The following IKBKB variants were observed in gnomAD, a reference collection of about 807,000 sequenced individuals.
The protein encoded by IKBKB is inhibitor of nuclear factor kappa B kinase subunit beta.
Under a neutral mutation model 113.6 loss-of-function variants are expected in IKBKB, and 42 were observed. The observed-to-expected ratio is 0.37, with a 90% CI of 0.29 to 0.48. The LOEUF is 0.48. Among genes scored for constraint, IKBKB ranks in the 20% least tolerant of loss-of-function variants. IKBKB has a pLI of 0.99. For missense variants in IKBKB, 673 were observed against 939.7 expected, an observed-to-expected ratio of 0.72 and a Z score of 3.71; for synonymous variants, 296 against 361.3, an observed-to-expected ratio of 0.82 and a Z score of 2.05.
chr8:42,314,451 C>G, intron 9 of IKBKB, 22 bp downstream of exon 9: 2 of 1,382,474 alleles, frequency 1.4e-6, no homozygotes, highest in Non-Finnish European at 2.1e-6. Flanking sequence ...CGGCATTACA[C>G]GAATACATAT....
rs908429475 is a variant in IKBKB at position 42,280,127 on chromosome 8, C to T, written c.105+7922C>T. Among the ~76,000 whole-genome samples the T allele has an allele frequency of 2.0e-5, 3 of 152,208 alleles. No homozygotes were observed. The South Asian group carries it at 6.2e-4, about 32-fold the overall frequency. On this transcript the variant is annotated intron_variant, in intron 2 of 21. Transcript: ENST00000520810. ...CCTCCCAAAGTGCTGGGATTTCAGG[C>T]ATGAGCCACTGTGCTTGGTTGAAAA...
At chr8:42,299,011 CA>C (rs1814547889) in intron 5 of IKBKB, among the ~76,000 whole-genome samples, 1 of 152,146 alleles carries the variant, frequency 6.6e-6, no homozygotes, top group Admixed American at 6.6e-5. Context: ...GCCTGTTTCT[CA>C]CCATATTGTT....
At chr8:42,327,351 T>TG (rs1554527548) in intron 20 of IKBKB, among the ~76,000 whole-genome samples, 5 of 148,690 alleles carry the variant, frequency 3.4e-5, no homozygotes, top group Non-Finnish European at 7.4e-5. Context: ...TTTTTTTTTT[T>TG]GAGACAGACT....
intron 2 of IKBKB, among the ~76,000 whole-genome samples, chr8:42,286,908 G>A (rs890952629): frequency 1.3e-5 from 2 of 152,194 alleles, no homozygotes; most frequent in Admixed American, 6.5e-5. Context: ...TCTTGCCCAG[G>A]TGTGTGTGCG....
At chr8:42,272,259 T>A (rs1225274469) in intron 2 of IKBKB, 54 bp downstream of exon 2, 1 of 1,611,926 alleles carries the variant, frequency 6.2e-7, no homozygotes, top group Non-Finnish European at 8.5e-7. Context: ...CCCTCCTCAC[T>A]GCCTCCACTT....
At chr8:42,295,109 C>T (rs1045990821) in intron 5 of IKBKB, among the ~76,000 whole-genome samples, 6 of 146,380 alleles carry the variant, frequency 4.1e-5, no homozygotes, top group Non-Finnish European at 3.0e-5. Flanking sequence ...GTAGTTATTA[C>T]GAAAGTCTTT....
intron 2 of IKBKB, among the ~76,000 whole-genome samples, chr8:42,281,697 C>T (rs1009055903): frequency 3.9e-5 from 6 of 152,170 alleles, no homozygotes; most frequent in Non-Finnish European, 8.8e-5. Context: ...GTCCTCCTGC[C>T]CAGTCTCTCT....
chr8:42,276,187 T>G (rs963963946), intron 2 of IKBKB, among the ~76,000 whole-genome samples: 1 of 152,228 alleles, frequency 6.6e-6, no homozygotes, highest in African/African-American at 2.4e-5. Flanking sequence ...CCATAATGGC[T>G]GTGCTAATTT....
rs545828792 is a variant in IKBKB, at chr8:42,305,126, G to A, written c.389-61G>A. On this transcript the variant is annotated intron_variant, in intron 5 of 21. Coordinates refer to ENST00000520810, the MANE Select transcript of IKBKB (RefSeq NM_001556.3). Reference sequence around the variant, plus strand: ...GCGGCATTTATCTTTTGCAGGATAGGAGATTCTGTCATGAAAAGCATTTTT... The same window carrying A: ...GCGGCATTTATCTTTTGCAGGATAGAAGATTCTGTCATGAAAAGCATTTTT... 9.8e-4 allele frequency: 1,052 copies of A among 1,068,330 alleles called. 3 individuals carry two copies. The highest frequency in any genetic ancestry group is 1.3e-3 in the Non-Finnish European group (925 of 686,552). The allele number at this position is 1,068,330 out of a possible 1,614,324, so 66.2% of individuals were successfully genotyped here. A position where few individuals can be genotyped will look rare whatever the true frequency, so the allele number is the denominator to read the frequency against.
In IKBKB at chr8:42,316,360, G is replaced by A. The variant is rs766305242; in HGVS notation, c.930+21G>A. 2.5e-6 allele frequency: 4 copies of A among 1,613,792 alleles called. No homozygotes were observed. Among genetic ancestry groups the A allele is most frequent in the African/African-American group, 1.3e-5 (1 of 74,942 alleles). ...TAAAGGTGAGTGTGGAGCCAAGTTA[G>A]CCCTGAGGCAAAAGCTGGGGTCCCC... On this transcript the variant is annotated intron_variant, in intron 10 of 21. Transcript: ENST00000520810. The surrounding 1 kb of genome is among the most constrained non-coding windows in gnomAD (Gnocchi z 4.5).
intron 2 of IKBKB, among the ~76,000 whole-genome samples, chr8:42,276,926 G>A (rs1337249047): frequency 6.8e-6 from 1 of 147,810 alleles, no homozygotes; most frequent in African/African-American, 2.5e-5. Context: ...GAGTGCAGTG[G>A]TGTGATCTCG....
chr8:42,328,381 G>T (rs903912499), intron 20 of IKBKB, among the ~76,000 whole-genome samples: 50 of 152,092 alleles, frequency 3.3e-4, no homozygotes, highest in Non-Finnish European at 6.0e-4. Flanking sequence ...CTAGCTAGAG[G>T]CCCCATAGAT....
chr8:42,319,396 C>G lies in IKBKB; in HGVS notation c.1491C>G (p.Tyr497Ter). 6.2e-7 allele frequency: 1 copy of G among 1,614,200 alleles called. No homozygotes were observed. The highest frequency in any genetic ancestry group is 1.1e-5 in the South Asian group (1 of 91,086). ...KTSIQIDLEK[Y>*]SEQTEFGITS... is the part of the protein sequence containing the mutation. ...GCATCCAGATTGACCTGGAGAAGTA[C>G]AGCGAGCAAACCGAGTTTGGGATCA... is the stretch of plus-strand genomic sequence containing the variant. The change falls in exon 14 of 22, where the codon TAC (tyrosine) becomes TAG (stop). Residue 497 changes from tyrosine (Y) to a stop codon, truncating the protein, a stop_gained. Coordinates refer to ENST00000520810, the MANE Select transcript of IKBKB (RefSeq NM_001556.3). LOFTEE classifies it high-confidence loss of function.
chr8:42,275,276 C>G (rs60449636), intron 2 of IKBKB, among the ~76,000 whole-genome samples: 158 of 152,062 alleles, frequency 1.0e-3, no homozygotes, highest in African/African-American at 3.6e-3. Context: ...TAGCCTTGAC[C>G]TCCTGGGCTC....
intron 5 of IKBKB, among the ~76,000 whole-genome samples, chr8:42,304,660 T>G (rs1273791456): frequency 1.3e-5 from 2 of 152,244 alleles, no homozygotes; most frequent in Non-Finnish European, 2.9e-5. Flanking sequence ...TGGAAGCCAG[T>G]TCTGACCTCT....
chr8:42,326,254 C>A, intron 20 of IKBKB, 157 bp downstream of exon 20: 1 of 848,560 alleles, frequency 1.2e-6, no homozygotes, highest in Non-Finnish European at 1.8e-6. Flanking sequence ...AAAAGTGATA[C>A]ATGTTTGGCT....
At chr8:42,321,094 A>T (rs1156742864) in intron 16 of IKBKB, 1 of 390,212 alleles carries the variant, frequency 2.6e-6, no homozygotes, top group Non-Finnish European at 4.6e-6. Context: ...CGCAGGCCAT[A>T]ATCTGTAAAG....
At chr8:42,279,141 C>G (rs1341806774) in intron 2 of IKBKB, among the ~76,000 whole-genome samples, 2 of 152,256 alleles carry the variant, frequency 1.3e-5, no homozygotes, top group Non-Finnish European at 2.9e-5. Context: ...CCAGGAAGCT[C>G]TCTACCTTCC....
chr8:42,301,565 CTA>C (rs1360582440), intron 5 of IKBKB, among the ~76,000 whole-genome samples: 2 of 152,170 alleles, frequency 1.3e-5, no homozygotes, highest in Non-Finnish European at 2.9e-5. Flanking sequence ...GTCCCAGAAA[CTA>C]TGTGTAACAA....
Sources: gnomAD v4.1 joint callset for allele counts (sites outside exome capture counted in the v4.1 genomes callset) on GRCh38, gnomAD v4.1.1 for gene constraint, Gnocchi (gnomAD v3.1) non-coding constraint, MANE v1.5 for transcripts, NCBI Gene and HGNC (gene_info 2026-07-23, HGNC 2026-07-21) for gene names.